Variants in DENND2A observed in about 807,000 individuals in gnomAD.
DENND2A encodes the protein DENN domain-containing protein 2A.
A neutral mutation model predicts 105.3 loss-of-function variants in DENND2A; 53 were observed. That is an observed-to-expected ratio of 0.50 (90% CI 0.40 to 0.63). The LOEUF is 0.63. Ranked by LOEUF, DENND2A falls within the 30% of genes least tolerant of loss-of-function variation. The pLI, the probability that DENND2A is intolerant of heterozygous loss-of-function variation, is 0.00. For synonymous variants in DENND2A, 522 were observed against 508.4 expected (o/e 1.03, Z -0.36); for missense variants, 1,138 against 1,279.6 (o/e 0.89, Z 1.69).
chr7:140,539,244 A>G (rs1432963210), intron 14 of DENND2A, among the ~76,000 whole-genome samples: 1 of 152,196 alleles, frequency 6.6e-6, no homozygotes, highest in African/African-American at 2.4e-5. Context: ...TTTCCCATAA[A>G]TCAGACAGAT....
At chr7:140,612,198 C>T (rs1001653299) in intron 1 of DENND2A, among the ~76,000 whole-genome samples, 6 of 151,426 alleles carry the variant, frequency 4.0e-5, no homozygotes, top group Admixed American at 6.6e-5. Flanking sequence ...CCAAGATTGC[C>T]CCATCGCACT....
rs1795925679 is a variant in DENND2A at position 140,523,234 on chromosome 7, G to C, written c.2665+73C>G. ...TTGCCCATATTCCTACTTGGCCCTT[G>C]GCCACTGCCCATTTGTTCCCTGACC... On this transcript the variant is annotated intron_variant, in intron 17 of 19. Coordinates refer to ENST00000496613, the MANE Select transcript of DENND2A (RefSeq NM_015689.5). The surrounding 1 kb of genome is among the most constrained non-coding windows in gnomAD (Gnocchi z 4.5). The C allele has an allele frequency of 7.0e-7, 1 of 1,432,440 alleles. No individual in the cohort carries two copies. The highest frequency in any genetic ancestry group is 1.4e-5 in the African/African-American group (1 of 71,448). The allele number at this position is 1,432,440 out of a possible 1,614,324, so 88.7% of individuals were successfully genotyped here.
At chr7:140,621,030 T>C (rs1004227009) in intron 1 of DENND2A, among the ~76,000 whole-genome samples, 2 of 152,160 alleles carry the variant, frequency 1.3e-5, no homozygotes, top group Non-Finnish European at 2.9e-5. Context: ...ATATACTTAA[T>C]TTAAAAACTT....
At chr7:140,621,021 T>C (rs1273174874) in intron 1 of DENND2A, among the ~76,000 whole-genome samples, 1 of 152,114 alleles carries the variant, frequency 6.6e-6, no homozygotes, top group Non-Finnish European at 1.5e-5. Flanking sequence ...CATCCTCCCA[T>C]ATACTTAATT....
intron 3 of DENND2A, among the ~76,000 whole-genome samples, chr7:140,591,208 G>T (rs913694787): frequency 6.6e-6 from 1 of 152,006 alleles, no homozygotes; most frequent in African/African-American, 2.4e-5. Context: ...GAGGTGGGAG[G>T]ATCCCTTGAG....
At chr7:140,547,112 T>G (rs1796940383) in intron 12 of DENND2A, among the ~76,000 whole-genome samples, 173 bp from the exon 13 acceptor site, 1 of 152,164 alleles carries the variant, frequency 6.6e-6, no homozygotes, top group Admixed American at 6.5e-5. Context: ...CCCCAATTCT[T>G]CTCTCCTCTG....
At chr7:140,592,598 CT>C (rs59623254) in intron 3 of DENND2A, among the ~76,000 whole-genome samples, 61 of 144,186 alleles carry the variant, frequency 4.2e-4, no homozygotes, top group African/African-American at 6.3e-4. Flanking sequence ...GTGCCCTGCC[CT>C]TTTTTTTTTT....
chr7:140,616,874 T>C (rs1224575453), intron 1 of DENND2A, among the ~76,000 whole-genome samples: 5 of 152,190 alleles, frequency 3.3e-5, no homozygotes, highest in African/African-American at 1.2e-4. Context: ...ATTTATTTTT[T>C]TGAGACAAAG....
chr7:140,589,915 T>C (rs1175059133), intron 3 of DENND2A, among the ~76,000 whole-genome samples: 6 of 152,202 alleles, frequency 3.9e-5, no homozygotes, highest in Non-Finnish European at 8.8e-5. Context: ...AGTTCTGTTT[T>C]TATTTTTTAA....
rs1244623881 is a variant in DENND2A, at chr7:140,573,851, A to G, written c.1403T>C (p.Leu468Pro). ...PSSPDDIFFN[L>P]GDPQNGRKKR... ...CTTCCTGCCGTTCTGTGGGTCTCCAAGGTTAAAGAAAATGTCATCAGGGCT... is the reference window on the plus strand; with the variant it reads ...CTTCCTGCCGTTCTGTGGGTCTCCAGGGTTAAAGAAAATGTCATCAGGGCT... The change falls in exon 6 of 20, where the codon CTT becomes CCT. Residue 468 changes from leucine to proline, a missense_variant. Physicochemically the swap from Leu to Pro is moderately conservative, Grantham distance 98. This residue lies in a region of DENND2A where 627 missense variants were observed against 779.8 expected (regional missense o/e 0.80). Coordinates refer to ENST00000496613, the MANE Select transcript of DENND2A (RefSeq NM_015689.5). 8 of 1,613,916 alleles carry G rather than the reference A, an allele frequency of 5.0e-6. No homozygotes were observed. The East Asian group carries it at 1.8e-4, about 36-fold the overall frequency.
chr7:140,577,971 G>A (rs1798375360), intron 5 of DENND2A, among the ~76,000 whole-genome samples: 1 of 152,154 alleles, frequency 6.6e-6, no homozygotes, highest in Non-Finnish European at 1.5e-5. Context: ...TCTAGCTTTT[G>A]ATCAGAGGAC....
intron 14 of DENND2A, among the ~76,000 whole-genome samples, chr7:140,529,495 C>T (rs1186029280): frequency 2.0e-5 from 3 of 152,158 alleles, no homozygotes; most frequent in East Asian, 3.8e-4. Context: ...CCTGTGCCCA[C>T]GTATGTTTAT....
In DENND2A at chr7:140,536,593, T is replaced by C. The variant is rs1415794324; in HGVS notation, c.2327+8025A>G. Among the ~76,000 whole-genome samples the C allele has an allele frequency of 2.6e-5, 4 of 152,206 alleles. No individual in the cohort carries two copies. In the East Asian group the frequency reaches 5.8e-4, roughly 22 times the overall value. ...TCTAAATCTTGCTCTAATTGGTATC[T>C]TGTTGGTGTTCATATGCAAAAATAG... On this transcript the variant is annotated intron_variant, in intron 14 of 19. Transcript: ENST00000496613.
At chr7:140,538,332 C>T (rs777907581) in intron 14 of DENND2A, among the ~76,000 whole-genome samples, 1 of 152,062 alleles carries the variant, frequency 6.6e-6, no homozygotes, top group Non-Finnish European at 1.5e-5. Flanking sequence ...GTCCTGTTCT[C>T]ATGCCCTGTT....
chr7:140,623,738 A>G (rs1239443280), intron 1 of DENND2A, among the ~76,000 whole-genome samples: 1 of 147,308 alleles, frequency 6.8e-6, no homozygotes, highest in Non-Finnish European at 1.5e-5. Flanking sequence ...AAAAAAAAAG[A>G]GCATATGGAA....
chr7:140,568,192 G>A (rs1225155927), intron 8 of DENND2A, among the ~76,000 whole-genome samples: 3 of 151,962 alleles, frequency 2.0e-5, no homozygotes, highest in Non-Finnish European at 2.9e-5. Flanking sequence ...CACCCGCCTC[G>A]GCCTCCTAAA....
chr7:140,581,884 CAAG>C (rs1262967851), intron 5 of DENND2A, among the ~76,000 whole-genome samples: 1 of 152,008 alleles, frequency 6.6e-6, no homozygotes. Flanking sequence ...CCAGCAGTGA[CAAG>C]AAGAAAAGGG....
chr7:140,620,268 C>T (rs1585770700), intron 1 of DENND2A, among the ~76,000 whole-genome samples: 1 of 144,258 alleles, frequency 6.9e-6, no homozygotes, highest in African/African-American at 2.6e-5. Context: ...ATGGAAAAAA[C>T]GTTCCTGTTG....
intron 2 of DENND2A, among the ~76,000 whole-genome samples, chr7:140,605,398 A>G (rs1012444203): frequency 1.3e-5 from 2 of 152,092 alleles, no homozygotes; most frequent in Non-Finnish European, 2.9e-5. Flanking sequence ...CTCAAACATA[A>G]GTAAAATACC....
Sources: gnomAD v4.1 joint callset for allele counts (sites outside exome capture counted in the v4.1 genomes callset) on GRCh38, gnomAD v4.1.1 for gene constraint, gnomAD v4.1.1 regional missense constraint, Gnocchi (gnomAD v3.1) non-coding constraint, MANE v1.5 for transcripts, NCBI Gene and HGNC (gene_info 2026-07-23, HGNC 2026-07-21) for gene names.